Variants in ATRN observed in about 807,000 individuals in gnomAD.
The protein encoded by ATRN is attractin-2.
ATRN carries 54 observed loss-of-function variants against 178.7 expected under a neutral mutation model. The ratio of observed to expected loss-of-function variants is 0.30; its 90% confidence interval spans 0.24 to 0.38. ATRN has a LOEUF of 0.38. Among genes scored for constraint, ATRN ranks in the 10% least tolerant of loss-of-function variants. ATRN has a pLI of 1.00. For missense variants in ATRN, 1,443 were observed against 1,815.1 expected, an observed-to-expected ratio of 0.79 and a Z score of 3.73; for synonymous variants, 636 against 663.0, an observed-to-expected ratio of 0.96 and a Z score of 0.63.
rs2086600211 is a variant in ATRN, at chr20:3,600,973, A to G, written c.3592A>G (p.Asn1198Asp). Residue 1198 changes from asparagine (N) to aspartate (D), a missense_variant, in exon 23 of 29, where the codon AAT (asparagine) becomes GAT (aspartate). Transcript: ENST00000262919. ...AAACAGGGATTTGGACATGTTCATCAATGCCTCCAAGAATTTCAACCTCAA... is the reference window on the plus strand; with the variant it reads ...AAACAGGGATTTGGACATGTTCATCGATGCCTCCAAGAATTTCAACCTCAA... Reference protein sequence around the residue: ...EQNRDLDMFINASKNFNLNIT... With the variant: ...EQNRDLDMFIDASKNFNLNIT... 6.2e-7 allele frequency: 1 copy of G among 1,613,864 alleles called. No individual in the cohort carries two copies. The highest frequency in any genetic ancestry group is 8.5e-7 in the Non-Finnish European group (1 of 1,179,888).
intron 3 of ATRN, among the ~76,000 whole-genome samples, chr20:3,544,340 G>C (rs1390304209): frequency 2.0e-5 from 3 of 152,140 alleles, no homozygotes; most frequent in Non-Finnish European, 4.4e-5. Flanking sequence ...TCTGAACAGT[G>C]CTGTGGTTCG....
intron 13 of ATRN, among the ~76,000 whole-genome samples, chr20:3,576,630 A>G (rs920732350): frequency 6.6e-6 from 1 of 152,128 alleles, no homozygotes; most frequent in South Asian, 2.1e-4. Flanking sequence ...TGAGCAGAAC[A>G]TTCCATTGCA....
intron 1 of ATRN, among the ~76,000 whole-genome samples, chr20:3,494,359 G>A (rs1474673777): frequency 6.6e-6 from 1 of 152,170 alleles, no homozygotes; most frequent in African/African-American, 2.4e-5. Context: ...GCTAAGGCAT[G>A]CAGAGGTTTC....
chr20:3,485,262 T>A (rs1034903586), intron 1 of ATRN, among the ~76,000 whole-genome samples: 1 of 152,188 alleles, frequency 6.6e-6, no homozygotes, highest in African/African-American at 2.4e-5. Context: ...TTGATAGTCA[T>A]GCTGCCAATA....
intron 1 of ATRN, among the ~76,000 whole-genome samples, chr20:3,486,688 GT>G (rs2084699472): frequency 6.6e-6 from 1 of 151,990 alleles, no homozygotes; most frequent in Non-Finnish European, 1.5e-5. Flanking sequence ...AACCATTCTG[GT>G]TTTTTATAAG....
At chr20:3,478,232 A>G (rs1435567034) in intron 1 of ATRN, among the ~76,000 whole-genome samples, 1 of 152,184 alleles carries the variant, frequency 6.6e-6, no homozygotes, top group African/African-American at 2.4e-5. Context: ...TCTAAAAAAC[A>G]TGTGTCTCTA....
At chr20:3,484,522 C>T (rs942653024) in intron 1 of ATRN, among the ~76,000 whole-genome samples, 3 of 152,140 alleles carry the variant, frequency 2.0e-5, no homozygotes, top group South Asian at 2.1e-4. Context: ...TGTTGCAGTT[C>T]CATTTATAGA....
At chr20:3,572,706 T>TTC in intron 11 of ATRN, 25 bp from the exon 12 acceptor site, 4 of 1,591,284 alleles carry the variant, frequency 2.5e-6, no homozygotes, top group Non-Finnish European at 3.4e-6. Flanking sequence ...TCTAGTAAAT[T>TTC]TCTTCTCTCC....
chr20:3,610,175 A>T (rs1203591123), intron 24 of ATRN, among the ~76,000 whole-genome samples: 3 of 152,236 alleles, frequency 2.0e-5, no homozygotes, highest in Non-Finnish European at 4.4e-5. Flanking sequence ...GTTTTTGTAG[A>T]TATAGACAAG....
At chr20:3,580,011 A>G (rs939711871) in intron 15 of ATRN, among the ~76,000 whole-genome samples, 1 of 152,160 alleles carries the variant, frequency 6.6e-6, no homozygotes, top group Non-Finnish European at 1.5e-5. Flanking sequence ...TTGGTGACAT[A>G]TTCTTAGTGT....
At chr20:3,514,094 TCTG>T (rs1258051051) in intron 1 of ATRN, among the ~76,000 whole-genome samples, 1 of 152,188 alleles carries the variant, frequency 6.6e-6, no homozygotes, top group African/African-American at 2.4e-5. Context: ...TCACCCATCT[TCTG>T]TGTCGCTCAT....
intron 1 of ATRN, among the ~76,000 whole-genome samples, chr20:3,509,936 C>T (rs993431968): frequency 2.0e-5 from 3 of 152,090 alleles, no homozygotes; most frequent in Non-Finnish European, 4.4e-5. Context: ...CATTCCTCAC[C>T]CCTCCCTCCA....
chr20:3,591,397 CTT>C, intron 19 of ATRN, 91 bp downstream of exon 19: 1 of 1,449,264 alleles, frequency 6.9e-7, no homozygotes, highest in South Asian at 1.4e-5. Flanking sequence ...AAAAAAGCCA[CTT>C]TGTTTTGGAT....
chr20:3,575,760 TAACTTCGGTCTCAGA>T, intron 12 of ATRN, 52 bp from the exon 13 acceptor site: 1 of 1,518,538 alleles, frequency 6.6e-7, no homozygotes, highest in Non-Finnish European at 8.8e-7. Flanking sequence ...ATTTTTTTTT[TAACTTCGGTCTCAGA>T]TTTTGCTCAA....
At position 3,471,027 on chromosome 20, in the gene ATRN, C is replaced by G; in HGVS notation, c.-81C>G. On this transcript the variant is annotated 5_prime_UTR_variant, in exon 1 of 29. Transcript: ENST00000262919. ...ACGAGCCACCGTCCGCACAGCCCCGCCCCGCACGGCCAGGCGAAGCGGAGC... is the reference window on the plus strand; with the variant it reads ...ACGAGCCACCGTCCGCACAGCCCCGGCCCGCACGGCCAGGCGAAGCGGAGC... 7.1e-7 allele frequency: 1 copy of G among 1,406,118 alleles called. No homozygotes were observed. The highest frequency in any genetic ancestry group is 9.2e-7 in the Non-Finnish European group (1 of 1,085,914). 87.1% of individuals were successfully genotyped at this position (1,406,118 alleles called of 1,614,324 possible).
At position 3,560,653 on chromosome 20, in the gene ATRN, T is replaced by C; in HGVS notation, c.1204-9T>C. ...GTTTTTAAAAATTTTGTTTGCATTT[T>C]TTTCCTAGGATAAAATTTACATGTA... On this transcript the variant is annotated splice_polypyrimidine_tract_variant and intron_variant, in intron 7 of 28. Transcript: ENST00000262919. The C allele has an allele frequency of 5.6e-6, 9 of 1,597,936 alleles. No homozygotes were observed. Among genetic ancestry groups the C allele is most frequent in the Non-Finnish European group, 7.7e-6 (9 of 1,167,482 alleles).
At chr20:3,485,612 T>G (rs1299194519) in intron 1 of ATRN, among the ~76,000 whole-genome samples, 2 of 31,072 alleles carry the variant, frequency 6.4e-5, no homozygotes, top group African/African-American at 1.6e-4. Flanking sequence ...TTTTTGAGGT[T>G]TTTTTTTTTT....
chr20:3,587,827 C>CTGTT (rs200507855), intron 18 of ATRN, among the ~76,000 whole-genome samples: 8,310 of 151,034 alleles, frequency 0.055, 304 homozygotes, highest in African/African-American at 0.09. Context: ...GGTGTATTGC[C>CTGTT]TGTTTGTTTG....
rs141542034 is a variant in ATRN, at chr20:3,501,120, T to C, written c.410+29603T>C. Among the ~76,000 whole-genome samples, 34 of 152,248 alleles carry C rather than the reference T, an allele frequency of 2.2e-4. No individual in the cohort carries two copies. In the East Asian group the frequency reaches 6.4e-3, roughly 29 times the overall value. On this transcript the variant is annotated intron_variant, in intron 1 of 28. Coordinates refer to ENST00000262919, the MANE Select transcript of ATRN (RefSeq NM_139321.3). Reference sequence around the variant, plus strand: ...AATCGTATAACTGGTATTATTGGTATTGTTCTGGAAGCATGCATTGTTAAG... The same window carrying C: ...AATCGTATAACTGGTATTATTGGTACTGTTCTGGAAGCATGCATTGTTAAG...
Sources: gnomAD v4.1 joint callset for allele counts (sites outside exome capture counted in the v4.1 genomes callset) on GRCh38, gnomAD v4.1.1 for gene constraint, MANE v1.5 for transcripts, NCBI Gene and HGNC (gene_info 2026-07-23, HGNC 2026-07-21) for gene names.